NEMP2: variants seen among roughly 807,000 people sequenced by gnomAD.
The protein encoded by NEMP2 is nuclear envelope integral membrane protein 2.
NEMP2 carries 53 observed loss-of-function variants against 54.2 expected under a neutral mutation model. The observed-to-expected ratio is 0.98, with a 90% CI of 0.78 to 1.23. The LOEUF (loss-of-function observed/expected upper bound fraction) is 1.23. NEMP2 is among the 50% of genes most tolerant of loss of function. The pLI, the probability that NEMP2 is intolerant of heterozygous loss-of-function variation, is 0.00. For missense variants in NEMP2, 455 were observed against 511.3 expected (o/e 0.89, Z 1.06); for synonymous variants, 197 against 190.3 (o/e 1.04, Z -0.29).
chr2:190,467,482 A>T, the NEMP2 span, among the ~76,000 whole-genome samples: 1 of 152,204 alleles, frequency 6.6e-6, no homozygotes, highest in African/African-American at 2.4e-5. The surrounding 1 kb of genome is among the most constrained non-coding windows in gnomAD (Gnocchi z 5.5). Flanking sequence ...GCATGGTGGC[A>T]CATTCCTGTA....
chr2:190,514,405 CTA>C lies in NEMP2; in HGVS notation c.953+46_953+47del. Reference sequence around the variant, plus strand: ...GCAAACACTCTCCCAAATAATAAAACTAGAGCTCAAAATGTCAAATTTGCTGG... The same window carrying C: ...GCAAACACTCTCCCAAATAATAAAACGAGCTCAAAATGTCAAATTTGCTGG... On this transcript the variant is annotated intron_variant, in intron 7 of 8. Transcript: ENST00000409150. The surrounding 1 kb of genome is among the most constrained non-coding windows in gnomAD (Gnocchi z 5.7). The C allele has an allele frequency of 2.1e-6, 3 of 1,457,776 alleles. No individual in the cohort carries two copies. The highest frequency in any genetic ancestry group is 2.8e-6 in the Non-Finnish European group (3 of 1,064,070). The allele number at this position is 1,457,776 out of a possible 1,614,324, so 90.3% of individuals were successfully genotyped here. A position where few individuals can be genotyped will look rare whatever the true frequency, so the allele number is the denominator to read the frequency against.
chr2:190,567,890 G>A, the NEMP2 span, among the ~76,000 whole-genome samples: 16 of 152,000 alleles, frequency 1.1e-4, no homozygotes, highest in Admixed American at 2.0e-4. The surrounding 1 kb of genome is among the most constrained non-coding windows in gnomAD (Gnocchi z 4.0). Flanking sequence ...CTTGCGATTC[G>A]CCCGCCTTGG....
the NEMP2 span, among the ~76,000 whole-genome samples, chr2:190,571,371 T>C: frequency 6.6e-6 from 1 of 151,986 alleles, no homozygotes; most frequent in South Asian, 2.1e-4. Context: ...GGTGAAACAC[T>C]GTCTCTACTA....
the NEMP2 span, chr2:190,469,705 T>C: frequency 1.2e-5 from 13 of 1,116,612 alleles, no homozygotes; most frequent in Non-Finnish European, 1.3e-5. This position sits in a 1 kb window ranked among gnomAD's most constrained non-coding sequence, Gnocchi z 5.3. Context: ...AGGGACTCAG[T>C]TTATTTTCCT....
At chr2:190,443,304 A>T in the NEMP2 span, among the ~76,000 whole-genome samples, 1 of 152,202 alleles carries the variant, frequency 6.6e-6, no homozygotes, top group Non-Finnish European at 1.5e-5. The surrounding 1 kb of genome is among the most constrained non-coding windows in gnomAD (Gnocchi z 4.2). Flanking sequence ...AAGTTACAGA[A>T]CTTTTTGCAT....
At chr2:190,444,873 C>A in the NEMP2 span, 1 of 829,938 alleles carries the variant, frequency 1.2e-6, no homozygotes, top group Non-Finnish European at 1.5e-6. Flanking sequence ...TTATTTTATA[C>A]AAAATCATAG....
chr2:190,471,452 C>A, the NEMP2 span, among the ~76,000 whole-genome samples: 1 of 152,236 alleles, frequency 6.6e-6, no homozygotes, highest in East Asian at 1.9e-4. This position sits in a 1 kb window ranked among gnomAD's most constrained non-coding sequence, Gnocchi z 4.7. Context: ...TATCCCGCAC[C>A]TGGCTTGGAG....
At chr2:190,487,267 G>A in the NEMP2 span, among the ~76,000 whole-genome samples, 2 of 152,164 alleles carry the variant, frequency 1.3e-5, no homozygotes, top group Non-Finnish European at 1.5e-5. This position sits in a 1 kb window ranked among gnomAD's most constrained non-coding sequence, Gnocchi z 5.5. Flanking sequence ...CTTGAACCCA[G>A]GAAGCAGAGG....
chr2:190,567,297 T>TA, the NEMP2 span, among the ~76,000 whole-genome samples: 1 of 151,858 alleles, frequency 6.6e-6, no homozygotes, highest in Admixed American at 6.6e-5. This position sits in a 1 kb window ranked among gnomAD's most constrained non-coding sequence, Gnocchi z 4.0. Flanking sequence ...GTATGAGACT[T>TA]AGACTATCCA....
the NEMP2 span, among the ~76,000 whole-genome samples, chr2:190,450,488 C>CTTTTTTTTTTT: frequency 6.9e-4 from 67 of 97,256 alleles, no homozygotes; most frequent in East Asian, 9.7e-4. Context: ...TCTCTTTTTC[C>CTTTTTTTTTTT]TTTTTTTTTT....
the NEMP2 span, among the ~76,000 whole-genome samples, chr2:190,548,189 A>C: frequency 6.6e-6 from 1 of 152,184 alleles, no homozygotes; most frequent in Non-Finnish European, 1.5e-5. Context: ...ACATGTTCAT[A>C]TATCTTGGCA....
At chr2:190,489,764 A>T in the NEMP2 span, 1 of 1,613,522 alleles carries the variant, frequency 6.2e-7, no homozygotes, top group Non-Finnish European at 8.5e-7. This position sits in a 1 kb window ranked among gnomAD's most constrained non-coding sequence, Gnocchi z 6.6. Flanking sequence ...GTTTGTTTTT[A>T]TAGGGGCTGC....
rs1001894783 is a variant in NEMP2 at position 190,510,207 on chromosome 2, A to T, written c.1130+154T>A. Among the ~76,000 whole-genome samples, 21 of 152,366 alleles carry T rather than the reference A, an allele frequency of 1.4e-4. No homozygotes were observed. The highest frequency in any genetic ancestry group is 4.8e-4 in the African/African-American group (20 of 41,580). ...CAGCAGTTCTACTGTGCAAAGTCAC[A>T]GTACTGAGAAAAGGGACCTCTGACA... On this transcript the variant is annotated intron_variant, in intron 8 of 8. Transcript: ENST00000409150. The surrounding 1 kb of genome is among the most constrained non-coding windows in gnomAD (Gnocchi z 5.7).
At chr2:190,432,091 C>T in the NEMP2 span, among the ~76,000 whole-genome samples, 1 of 152,144 alleles carries the variant, frequency 6.6e-6, no homozygotes, top group Non-Finnish European at 1.5e-5. Context: ...GGTAATTACT[C>T]ATATTTAGTG....
the NEMP2 span, among the ~76,000 whole-genome samples, chr2:190,585,994 C>A: frequency 2.0e-5 from 3 of 152,136 alleles, no homozygotes; most frequent in Middle Eastern, 3.2e-3. This position sits in a 1 kb window ranked among gnomAD's most constrained non-coding sequence, Gnocchi z 5.3. Flanking sequence ...TTGCTTATTG[C>A]CCACACAGAG....
At position 190,534,662 on chromosome 2, in the gene NEMP2, AG is replaced by A. The variant is rs1331038207; in HGVS notation, c.-8del. 15 of 1,310,744 alleles carry A rather than the reference AG, an allele frequency of 1.1e-5. No individual in the cohort carries two copies. The highest frequency in any genetic ancestry group is 1.5e-5 in the African/African-American group (1 of 64,900). 81.2% of individuals were successfully genotyped at this position (1,310,744 alleles called of 1,614,324 possible). On this transcript the variant is annotated 5_prime_UTR_variant, in exon 1 of 9. Transcript: ENST00000409150. Reference sequence around the variant, plus strand: ...GCCCTTGGCGCGGCCCCATTTCGTTAGGGGTCAGCTCCGTGCGACCCGAGCC... The same window carrying A: ...GCCCTTGGCGCGGCCCCATTTCGTTAGGGTCAGCTCCGTGCGACCCGAGCC...
chr2:190,563,417 C>T, the NEMP2 span, among the ~76,000 whole-genome samples: 2 of 152,112 alleles, frequency 1.3e-5, no homozygotes, highest in Admixed American at 6.5e-5. The surrounding 1 kb of genome is among the most constrained non-coding windows in gnomAD (Gnocchi z 4.3). Context: ...GTGCTTTGGG[C>T]GGTAGTGGCG....
the NEMP2 span, chr2:190,610,745 G>A: frequency 6.6e-6 from 1 of 152,220 alleles, no homozygotes; most frequent in East Asian, 1.9e-4. This position sits in a 1 kb window ranked among gnomAD's most constrained non-coding sequence, Gnocchi z 5.4. Flanking sequence ...TCCAAATTTT[G>A]TTCATAGGAG....
At position 190,528,865 on chromosome 2, in the gene NEMP2, T is replaced by C. The variant is rs1179214392; in HGVS notation, c.98-3487A>G. ...GCAAGATGATGCAATTTAAGTATAGTGTATACTGCAGTTTCAACATAGGAA... is the reference window on the plus strand; with the variant it reads ...GCAAGATGATGCAATTTAAGTATAGCGTATACTGCAGTTTCAACATAGGAA... On this transcript the variant is annotated intron_variant, in intron 1 of 8. Transcript: ENST00000409150. The surrounding 1 kb of genome is among the most constrained non-coding windows in gnomAD (Gnocchi z 4.3). Among the ~76,000 whole-genome samples, 1 of 152,184 alleles carries C rather than the reference T, an allele frequency of 6.6e-6. No homozygotes were observed. The highest frequency in any genetic ancestry group is 1.5e-5 in the Non-Finnish European group (1 of 68,028).
Sources: allele counts gnomAD v4.1 joint callset (sites outside exome capture counted in the v4.1 genomes callset), GRCh38; gene constraint gnomAD v4.1.1; non-coding constraint Gnocchi (gnomAD v3.1); transcripts MANE v1.5; gene names NCBI Gene and HGNC (gene_info 2026-07-23, HGNC 2026-07-21).